The following FAM13A variants were observed in gnomAD, a reference collection of about 807,000 sequenced individuals.
The protein encoded by FAM13A is protein FAM13A.
In FAM13A, 76 loss-of-function variants were observed where a neutral mutation model predicts 129.6. The observed-to-expected ratio is 0.59, with a 90% CI of 0.49 to 0.71. The LOEUF is 0.71. Ranked by LOEUF, FAM13A falls within the 30% of genes least tolerant of loss-of-function variation. The pLI, the probability that FAM13A is intolerant of heterozygous loss-of-function variation, is 0.00. For synonymous variants in FAM13A, 443 were observed against 449.9 expected (o/e 0.98, Z 0.20); for missense variants, 1,108 against 1,249.3 (o/e 0.89, Z 1.70).
At chr4:88,745,327 C>A (rs865934077) in intron 19 of FAM13A, among the ~76,000 whole-genome samples, 1 of 152,146 alleles carries the variant, frequency 6.6e-6, no homozygotes, top group Non-Finnish European at 1.5e-5. Flanking sequence ...CTGGGTCTGC[C>A]AATTCTACGT....
At chr4:89,027,900 C>A (rs917413838) in intron 2 of FAM13A, among the ~76,000 whole-genome samples, 1 of 151,946 alleles carries the variant, frequency 6.6e-6, no homozygotes, top group African/African-American at 2.4e-5. Flanking sequence ...GAAGGCTACA[C>A]CATTTAAAAC....
At chr4:89,000,223 C>A (rs1025445024) in intron 3 of FAM13A, among the ~76,000 whole-genome samples, 2 of 152,084 alleles carry the variant, frequency 1.3e-5, no homozygotes, top group Non-Finnish European at 2.9e-5. Flanking sequence ...AGCATATATC[C>A]ACACAAAAAC....
chr4:88,728,283 G>A lies in FAM13A; in HGVS notation c.*250C>T, dbSNP rs535006202. 72 of 534,982 alleles carry A rather than the reference G, an allele frequency of 1.3e-4. No individual in the cohort carries two copies. The highest frequency in any genetic ancestry group is 5.0e-4 in the Admixed American group (16 of 31,996). 33.1% of individuals were successfully genotyped at this position (534,982 alleles called of 1,614,324 possible). A position where few individuals can be genotyped will look rare whatever the true frequency, so the allele number is the denominator to read the frequency against. ...ACTGTGTGTGTGTGTGCGTGCATGCGCGTGCGCATGTGCACATACTGCAGT... is the reference window on the plus strand; with the variant it reads ...ACTGTGTGTGTGTGTGCGTGCATGCACGTGCGCATGTGCACATACTGCAGT... On this transcript the variant is annotated 3_prime_UTR_variant, in exon 24 of 24. Transcript: ENST00000264344.
intron 7 of FAM13A, among the ~76,000 whole-genome samples, chr4:88,842,351 G>A (rs1270766668): frequency 1.3e-5 from 2 of 152,202 alleles, no homozygotes; most frequent in African/African-American, 4.8e-5. Context: ...TTGTAATGTA[G>A]CTCAGATATA....
At chr4:88,809,689 C>T (rs1041971161) in intron 7 of FAM13A, among the ~76,000 whole-genome samples, 1 of 151,984 alleles carries the variant, frequency 6.6e-6, no homozygotes, top group Non-Finnish European at 1.5e-5. Context: ...CCTTTCCTTC[C>T]TTGTTCTCAA....
At chr4:88,891,261 A>C (rs1197606942) in intron 6 of FAM13A, among the ~76,000 whole-genome samples, 10 of 151,928 alleles carry the variant, frequency 6.6e-5, no homozygotes, top group Admixed American at 1.3e-4. Flanking sequence ...ACGTCTCTAC[A>C]AAAAAAACAA....
intron 7 of FAM13A, among the ~76,000 whole-genome samples, chr4:88,835,188 C>T (rs28507656): frequency 0.011 from 1,621 of 152,248 alleles, 17 homozygotes; most frequent in Non-Finnish European, 0.016. Context: ...CCACTTTGCC[C>T]CCTATCGTGC....
chr4:89,025,056 C>T (rs1337722028), intron 2 of FAM13A, among the ~76,000 whole-genome samples: 1 of 152,178 alleles, frequency 6.6e-6, no homozygotes, highest in African/African-American at 2.4e-5. Flanking sequence ...AAATCAATCC[C>T]TAATTTAAAT....
chr4:88,840,012 C>T (rs1259562417), intron 7 of FAM13A, among the ~76,000 whole-genome samples: 8 of 152,132 alleles, frequency 5.3e-5, no homozygotes, highest in East Asian at 3.9e-4. Flanking sequence ...GTTGAGAGGA[C>T]GTCAGAGGAC....
Position 88,731,374 on chromosome 4 carries a change from T to A in FAM13A, c.2898A>T (p.Arg966=), listed in dbSNP as rs1438887590. The A allele has an allele frequency of 6.2e-7, 1 of 1,608,630 alleles. No homozygotes were observed. The highest frequency in any genetic ancestry group is 1.3e-5 in the African/African-American group (1 of 74,914). Residue 966 remains arginine, a synonymous_variant, in exon 23 of 24, where the codon CGA becomes CGT. Coordinates refer to ENST00000264344, the MANE Select transcript of FAM13A (RefSeq NM_014883.4). The part of the protein sequence containing the change: ...QEMREEKKRI[R]KKLRDFEDNF... ...TGTCTTCAAAATCCCGAAGTTTCTT[T>A]CGAATCCTTTTCTTTTCTTCTCTCA...
intron 6 of FAM13A, among the ~76,000 whole-genome samples, chr4:88,857,596 T>C (rs1198006057): frequency 7.6e-6 from 1 of 130,884 alleles, no homozygotes; most frequent in African/African-American, 3.0e-5. Flanking sequence ...GCCACTGCAC[T>C]CCAGCCTGGG....
At chr4:89,019,012 G>A (rs1283680045) in intron 3 of FAM13A, among the ~76,000 whole-genome samples, 1 of 152,200 alleles carries the variant, frequency 6.6e-6, no homozygotes, top group Non-Finnish European at 1.5e-5. Context: ...GGAGGCCAGG[G>A]GCTGCAGAGA....
At chr4:88,938,986 T>A (rs537518485) in intron 4 of FAM13A, among the ~76,000 whole-genome samples, 12 of 152,326 alleles carry the variant, frequency 7.9e-5, no homozygotes, top group Non-Finnish European at 4.4e-5. Context: ...AATAACCTTA[T>A]GAAAAGATAC....
chr4:88,929,991 A>G lies in FAM13A; in HGVS notation c.759+8097T>C, dbSNP rs142965024. ...TATGCTCAAGTGATCCTCCTGCTTCAGCCTCCCAAAGTGCTGGGATTATAC... is the reference window on the plus strand; with the variant it reads ...TATGCTCAAGTGATCCTCCTGCTTCGGCCTCCCAAAGTGCTGGGATTATAC... On this transcript the variant is annotated intron_variant, in intron 5 of 23. Transcript: ENST00000264344. 1.2e-4 allele frequency among the ~76,000 whole-genome samples: 18 copies of G among 152,214 alleles called. No homozygotes were observed. The East Asian group carries it at 1.5e-3, about 13-fold the overall frequency.
intron 1 of FAM13A, among the ~76,000 whole-genome samples, chr4:89,034,090 T>C (rs1560892429): frequency 6.6e-6 from 1 of 152,096 alleles, no homozygotes; most frequent in Non-Finnish European, 1.5e-5. Flanking sequence ...TGGGACCTAA[T>C]TAAACTAAAG....
Position 88,838,878 on chromosome 4 carries a change from T to C in FAM13A, c.1007+12142A>G, listed in dbSNP as rs555394220. On this transcript the variant is annotated intron_variant, in intron 7 of 23. Coordinates refer to ENST00000264344, the MANE Select transcript of FAM13A (RefSeq NM_014883.4). ...CATTGGAAGATGCAGCTCCTTATAG[T>C]TGCAGATTAAATTTCTCTGATTATT... 2.6e-5 allele frequency among the ~76,000 whole-genome samples: 4 copies of C among 152,342 alleles called. No individual in the cohort carries two copies. In the South Asian group the frequency reaches 6.2e-4, roughly 24 times the overall value.
At chr4:88,902,315 T>C (rs1177497348) in intron 6 of FAM13A, among the ~76,000 whole-genome samples, 1 of 152,054 alleles carries the variant, frequency 6.6e-6, no homozygotes, top group Non-Finnish European at 1.5e-5. Context: ...AAAAGAAAAC[T>C]TCAGGCCAAT....
chr4:88,785,434 C>T (rs1456575056), intron 10 of FAM13A, among the ~76,000 whole-genome samples: 1 of 152,056 alleles, frequency 6.6e-6, no homozygotes, highest in African/African-American at 2.4e-5. Context: ...ATGTTCATGA[C>T]TCTCCTGGAG....
chr4:88,773,185 T>C (rs73844112), intron 11 of FAM13A, among the ~76,000 whole-genome samples: 14,209 of 152,200 alleles, frequency 0.093, 1,186 homozygotes, highest in East Asian at 0.31. Context: ...ATCGTCATCT[T>C]CTCCTCTCTA....
Sources: allele counts gnomAD v4.1 joint callset (sites outside exome capture counted in the v4.1 genomes callset), GRCh38; gene constraint gnomAD v4.1.1; transcripts MANE v1.5; gene names NCBI Gene and HGNC (gene_info 2026-07-23, HGNC 2026-07-21).